EIPR1: variants seen among roughly 807,000 people sequenced by gnomAD.
EIPR1 encodes EARP complex and GARP complex interacting protein 1.
Under a neutral mutation model 48.1 loss-of-function variants are expected in EIPR1, and 25 were observed. The ratio of observed to expected loss-of-function variants is 0.52; its 90% CI spans 0.38 to 0.73. EIPR1 has a LOEUF of 0.73. Among genes scored for constraint, EIPR1 ranks in the 30% least tolerant of loss-of-function variants. The pLI is 0.00. For synonymous variants in EIPR1, 204 were observed against 201.9 expected (o/e 1.01, Z -0.09); for missense variants, 415 against 506.2 (o/e 0.82, Z 1.73).
At chr2:3,208,524 A>G in intron 5 of EIPR1, 1 of 1,545,682 alleles carries the variant, frequency 6.5e-7, no homozygotes, top group African/African-American at 1.4e-5. Flanking sequence ...GTCTGATTAA[A>G]AGGACTACTT....
At chr2:3,228,946 A>C (rs980864552) in intron 4 of EIPR1, among the ~76,000 whole-genome samples, 4 of 152,206 alleles carry the variant, frequency 2.6e-5, no homozygotes, top group African/African-American at 9.7e-5. Context: ...ACCTAGTCTC[A>C]GGTATGTCTT....
At chr2:3,255,511 AG>A (rs1203207493) in intron 4 of EIPR1, among the ~76,000 whole-genome samples, 1 of 152,224 alleles carries the variant, frequency 6.6e-6, no homozygotes, top group Non-Finnish European at 1.5e-5. Context: ...AAGTCTATGT[AG>A]GTATGATGCA....
At chr2:3,191,457 T>C (rs1279243705) in intron 8 of EIPR1, among the ~76,000 whole-genome samples, 1 of 152,200 alleles carries the variant, frequency 6.6e-6, no homozygotes, top group African/African-American at 2.4e-5. Flanking sequence ...AGAGAGGGTC[T>C]GAAGAAAGAG....
intron 1 of EIPR1, among the ~76,000 whole-genome samples, chr2:3,369,298 C>T (rs1027820467): frequency 2.6e-5 from 4 of 152,340 alleles, no homozygotes; most frequent in Non-Finnish European, 2.9e-5. Flanking sequence ...GAGCTCCCAG[C>T]GTGAGCAACG....
chr2:3,206,661 A>G (rs1665247070), intron 5 of EIPR1, among the ~76,000 whole-genome samples: 1 of 152,222 alleles, frequency 6.6e-6, no homozygotes, highest in African/African-American at 2.4e-5. Context: ...GTTTCTGGAG[A>G]AAAACTGTGT....
chr2:3,338,025 T>C lies in EIPR1; in HGVS notation c.251A>G (p.Tyr84Cys). The change falls in exon 3 of 9, where the codon TAC becomes TGC. Residue 84 changes from tyrosine (Y) to cysteine (C), a missense_variant. By Grantham distance (194) the Tyr-to-Cys change is radical. Transcript: ENST00000382125. ...PADRGVLTTC[Y>C]NRTSDSKVLT... ...AGAAAAGCCGCACTTACTTCTGTTG[T>C]AGCAGGTCGTCAGCACACCTCTGTC... is the stretch of plus-strand genomic sequence containing the variant. 4 of 1,596,652 alleles carry C rather than the reference T, an allele frequency of 2.5e-6. No homozygotes were observed. The highest frequency in any genetic ancestry group is 1.1e-5 in the South Asian group (1 of 87,044).
chr2:3,250,013 AG>A (rs1480321305), intron 4 of EIPR1, among the ~76,000 whole-genome samples: 1 of 152,346 alleles, frequency 6.6e-6, no homozygotes, highest in African/African-American at 2.4e-5. Flanking sequence ...ACAGGGGTGG[AG>A]CCACTGCAGA....
intron 3 of EIPR1, among the ~76,000 whole-genome samples, chr2:3,297,882 C>T (rs184412800): frequency 4.9e-4 from 75 of 152,308 alleles, no homozygotes; most frequent in African/African-American, 1.7e-3. Flanking sequence ...AGTGCAGTGG[C>T]TCCATCTCAG....
At chr2:3,212,111 G>A (rs1051252727) in intron 5 of EIPR1, among the ~76,000 whole-genome samples, 1 of 152,214 alleles carries the variant, frequency 6.6e-6, no homozygotes, top group Non-Finnish European at 1.5e-5. Flanking sequence ...GGAGGTTTCT[G>A]TATTAAATAC....
Position 3,286,726 on chromosome 2 carries a change from G to A in EIPR1, c.260-29271C>T, listed in dbSNP as rs1485544564. On this transcript the variant is annotated intron_variant, in intron 3 of 8. Transcript: ENST00000382125. The surrounding 1 kb of genome is among the most constrained non-coding windows in gnomAD (Gnocchi z 4.2). ...AACAAGCCAGCCCCTGCGTCCCCAC[G>A]TGCTGAGTCCATCCTCCCAGCAGCT... 6.6e-6 allele frequency among the ~76,000 whole-genome samples: 1 copy of A among 152,230 alleles called. No individual in the cohort carries two copies. Among genetic ancestry groups the A allele is most frequent in the Non-Finnish European group, 1.5e-5 (1 of 68,032 alleles).
At chr2:3,335,892 C>T (rs1478271998) in intron 3 of EIPR1, among the ~76,000 whole-genome samples, 1 of 152,230 alleles carries the variant, frequency 6.6e-6, no homozygotes, top group East Asian at 1.9e-4. Flanking sequence ...GTCCATTAAA[C>T]CTCTTCATAA....
At position 3,220,958 on chromosome 2, in the gene EIPR1, G is replaced by A. The variant is rs573089379; in HGVS notation, c.417-6710C>T. Among the ~76,000 whole-genome samples the A allele has an allele frequency of 1.1e-4, 15 of 134,046 alleles. 1 individual carries two copies. Among genetic ancestry groups the A allele is most frequent in the African/African-American group, 3.8e-4 (13 of 34,298 alleles). 87.9% of individuals were successfully genotyped at this position (134,046 alleles called of 152,430 possible). A position where few individuals can be genotyped will look rare whatever the true frequency, so the allele number is the denominator to read the frequency against. ...ACAGCATTTATAGTCAGGTGCACAT[G>A]CACACGATGACCATGGTACACTCTA... On this transcript the variant is annotated intron_variant, in intron 4 of 8. Coordinates refer to ENST00000382125, the MANE Select transcript of EIPR1 (RefSeq NM_003310.5).
chr2:3,216,111 G>A (rs760795798), intron 4 of EIPR1, among the ~76,000 whole-genome samples: 1 of 152,162 alleles, frequency 6.6e-6, no homozygotes, highest in Non-Finnish European at 1.5e-5. Flanking sequence ...GTTACTGCAG[G>A]TAAACATAGG....
chr2:3,190,393 C>T (rs936549739), intron 8 of EIPR1, among the ~76,000 whole-genome samples: 1 of 152,230 alleles, frequency 6.6e-6, no homozygotes, highest in Admixed American at 6.5e-5. Context: ...CCAGAACTCG[C>T]ATGGTCTCTG....
intron 3 of EIPR1, among the ~76,000 whole-genome samples, chr2:3,283,269 G>A (rs1218587052): frequency 6.6e-6 from 1 of 152,138 alleles, no homozygotes; most frequent in African/African-American, 2.4e-5. Context: ...CACCACGCTG[G>A]GCTGGCCTCC....
At chr2:3,214,127 C>T in intron 5 of EIPR1, 22 bp downstream of exon 5, 1 of 1,602,236 alleles carries the variant, frequency 6.2e-7, no homozygotes, top group South Asian at 1.1e-5. Context: ...GAAACAAACG[C>T]TGTGTTGTTG....
chr2:3,239,761 C>A (rs1029098859), intron 4 of EIPR1, among the ~76,000 whole-genome samples: 3 of 151,476 alleles, frequency 2.0e-5, no homozygotes, highest in African/African-American at 2.4e-5. Flanking sequence ...TCAGGGCATC[C>A]CCCTTCCTGG....
At chr2:3,317,336 C>A (rs575277774) in intron 3 of EIPR1, among the ~76,000 whole-genome samples, 20 of 151,952 alleles carry the variant, frequency 1.3e-4, no homozygotes, top group African/African-American at 4.6e-4. Flanking sequence ...GTGTGCCTCG[C>A]ACGCGGGGTG....
At chr2:3,242,287 CCTAACT>C (rs1420571230) in intron 4 of EIPR1, among the ~76,000 whole-genome samples, 1 of 15,170 alleles carries the variant, frequency 6.6e-5, no homozygotes, top group Non-Finnish European at 3.0e-4. Flanking sequence ...ATTTCAGGCC[CCTAACT>C]CCACACCACA....
Sources: gnomAD v4.1 joint callset for allele counts (sites outside exome capture counted in the v4.1 genomes callset) on GRCh38, gnomAD v4.1.1 for gene constraint, Gnocchi (gnomAD v3.1) non-coding constraint, MANE v1.5 for transcripts, NCBI Gene and HGNC (gene_info 2026-07-23, HGNC 2026-07-21) for gene names.